Variants in CEP128 observed in about 807,000 individuals in gnomAD.
CEP128 encodes the protein centrosomal protein 128.
CEP128 carries 132 observed loss-of-function variants against 156.7 expected under a neutral mutation model. The ratio of observed to expected loss-of-function variants is 0.84; its 90% CI spans 0.73 to 0.97. The LOEUF (loss-of-function observed/expected upper bound fraction) is 0.97. CEP128 is among the 50% of genes least tolerant of loss of function. The probability of loss-of-function intolerance (pLI) is 0.00; values close to 1 mark genes in which losing one functional copy is unlikely to be tolerated. For synonymous variants in CEP128, 469 were observed against 448.9 expected, an observed-to-expected ratio of 1.04 and a Z score of -0.57; for missense variants, 1,252 against 1,281.9, an observed-to-expected ratio of 0.98 and a Z score of 0.36.
chr14:80,928,239 A>G (rs144147171), intron 2 of CEP128, among the ~76,000 whole-genome samples: 37 of 152,370 alleles, frequency 2.4e-4, no homozygotes, highest in African/African-American at 7.0e-4. Context: ...ACAGAGTTCT[A>G]TAACACTCCC....
At chr14:80,919,695 A>G (rs1254933464) in intron 2 of CEP128, among the ~76,000 whole-genome samples, 1 of 152,224 alleles carries the variant, frequency 6.6e-6, no homozygotes, top group African/African-American at 2.4e-5. Context: ...TCTTACTGGT[A>G]TTAAAAAAAA....
chr14:80,637,249 G>C (rs953842112), intron 19 of CEP128, among the ~76,000 whole-genome samples: 1 of 151,968 alleles, frequency 6.6e-6, no homozygotes, highest in African/African-American at 2.4e-5. Context: ...CATATCCCTG[G>C]AGCCATGTTA....
chr14:80,883,409 A>C (rs1888645410), intron 8 of CEP128, among the ~76,000 whole-genome samples: 1 of 152,180 alleles, frequency 6.6e-6, no homozygotes, highest in African/African-American at 2.4e-5. Context: ...AGGATACAAA[A>C]TCAACATACA....
At chr14:80,775,684 T>C (rs1440801669) in intron 16 of CEP128, among the ~76,000 whole-genome samples, 1 of 152,254 alleles carries the variant, frequency 6.6e-6, no homozygotes. Context: ...GCCTGCCATA[T>C]AGCAGATGCT....
chr14:80,549,595 C>T (rs1007431419), intron 21 of CEP128, among the ~76,000 whole-genome samples: 1 of 152,174 alleles, frequency 6.6e-6, no homozygotes, highest in Admixed American at 6.5e-5. Flanking sequence ...AAGATTCTTA[C>T]AAATACTTAG....
chr14:80,836,282 T>C lies in CEP128; in HGVS notation c.980A>G (p.Gln327Arg). The C allele has an allele frequency of 1.2e-6, 2 of 1,614,082 alleles. No homozygotes were observed. The highest frequency in any genetic ancestry group is 1.7e-6 in the Non-Finnish European group (2 of 1,179,950). Reference sequence around the variant, plus strand: ...CTTGGAAATCTGAGATACTTGATGCTGTAAACCCTTTCGATCACCTTCTGC... The same window carrying C: ...CTTGGAAATCTGAGATACTTGATGCCGTAAACCCTTTCGATCACCTTCTGC... ...TKAEGDRKGLQHQVSQISKQQ... is the reference protein window; with the variant it reads ...TKAEGDRKGLRHQVSQISKQQ... The change falls in exon 12 of 25, where the codon CAG becomes CGG. Residue 327 changes from glutamine to arginine, a missense_variant. Transcript: ENST00000555265.
chr14:80,667,145 C>T (rs8005643), intron 19 of CEP128, among the ~76,000 whole-genome samples: 59,522 of 151,996 alleles, frequency 0.39, 13,965 homozygotes, highest in Non-Finnish European at 0.51. Flanking sequence ...ACCCAAAATG[C>T]TCATTCCAGT....
intron 19 of CEP128, among the ~76,000 whole-genome samples, chr14:80,742,001 G>T (rs1394742952): frequency 6.6e-6 from 1 of 152,116 alleles, no homozygotes; most frequent in Non-Finnish European, 1.5e-5. Flanking sequence ...AGGGACCTCA[G>T]CAGAAGTAAT....
chr14:80,838,122 T>C, intron 11 of CEP128, 82 bp downstream of exon 11: 2 of 970,974 alleles, frequency 2.1e-6, no homozygotes, highest in Non-Finnish European at 3.2e-6. Flanking sequence ...TTCTTTTTTT[T>C]CCTTTCACAA....
intron 19 of CEP128, among the ~76,000 whole-genome samples, chr14:80,631,510 C>T (rs1182117838): frequency 6.6e-6 from 1 of 151,984 alleles, no homozygotes; most frequent in Non-Finnish European, 1.5e-5. Context: ...ATGCTTATTT[C>T]CATTCTTTAT....
At chr14:80,953,411 C>T (rs1458933590) in intron 2 of CEP128, among the ~76,000 whole-genome samples, 1 of 152,104 alleles carries the variant, frequency 6.6e-6, no homozygotes, top group Non-Finnish European at 1.5e-5. Context: ...TGGTGAAACC[C>T]CGTCTCCACT....
At chr14:80,759,506 T>C (rs327441) in intron 17 of CEP128, among the ~76,000 whole-genome samples, 12,061 of 152,220 alleles carry the variant, frequency 0.079, 547 homozygotes, top group Middle Eastern at 0.12. Flanking sequence ...CTTAAGCATG[T>C]TTCTTGAGTG....
At chr14:80,935,475 C>A (rs566206960) in intron 2 of CEP128, among the ~76,000 whole-genome samples, 18 of 151,454 alleles carry the variant, frequency 1.2e-4, no homozygotes, top group African/African-American at 4.4e-4. Flanking sequence ...TGTTTGAACC[C>A]AGAAGGCAGA....
chr14:80,692,096 GAC>G (rs998861379), intron 19 of CEP128, among the ~76,000 whole-genome samples: 15 of 152,198 alleles, frequency 9.9e-5, no homozygotes, highest in African/African-American at 3.6e-4. Context: ...TTGAGGATTT[GAC>G]AGTTTGCTGA....
intron 8 of CEP128, among the ~76,000 whole-genome samples, chr14:80,891,547 T>C (rs1223914133): frequency 4.0e-5 from 6 of 149,092 alleles, no homozygotes; most frequent in African/African-American, 1.2e-4. Flanking sequence ...AGAAGGATAG[T>C]TGGAAGGGTG....
chr14:80,675,864 A>G (rs1271866690), intron 19 of CEP128, among the ~76,000 whole-genome samples: 1 of 152,094 alleles, frequency 6.6e-6, no homozygotes, highest in African/African-American at 2.4e-5. Flanking sequence ...GGAAATTGTT[A>G]TATTTCAGGC....
At chr14:80,544,857 G>A (rs536294802) in intron 21 of CEP128, among the ~76,000 whole-genome samples, 1 of 152,206 alleles carries the variant, frequency 6.6e-6, no homozygotes, top group South Asian at 2.1e-4. Context: ...TTATGTATCT[G>A]CAAGACAGAA....
In CEP128 at chr14:80,827,789, A is replaced by G. The variant is rs533118214; in HGVS notation, c.1209+3354T>C. Among the ~76,000 whole-genome samples the G allele has an allele frequency of 2.0e-5, 3 of 152,344 alleles. No homozygotes were observed. The South Asian group carries it at 6.2e-4, about 32-fold the overall frequency. On this transcript the variant is annotated intron_variant, in intron 13 of 24. Transcript: ENST00000555265. ...GGAGATTGGTGCCCTGCATAAGAGA[A>G]TAATGTTTTCATATCTGTATAGGGC...
At chr14:80,757,082 C>T in intron 17 of CEP128, 131 bp from the exon 18 acceptor site, 1 of 601,774 alleles carries the variant, frequency 1.7e-6, no homozygotes, top group Non-Finnish European at 2.9e-6. Context: ...AAATTGTTGC[C>T]CCAAATACTC....
Sources: gnomAD v4.1 joint callset for allele counts (sites outside exome capture counted in the v4.1 genomes callset) on GRCh38, gnomAD v4.1.1 for gene constraint, MANE v1.5 for transcripts, NCBI Gene and HGNC (gene_info 2026-07-23, HGNC 2026-07-21) for gene names.